PDE4D: variants seen among roughly 807,000 people sequenced by gnomAD.
The protein encoded by PDE4D is 3',5'-cyclic-AMP phosphodiesterase 4D.
PDE4D carries 24 observed loss-of-function variants against 87.4 expected under a neutral mutation model. That is an observed-to-expected ratio of 0.27 (90% CI 0.20 to 0.39). The LOEUF (loss-of-function observed/expected upper bound fraction) is 0.39, where lower values mean the gene tolerates loss of function less well. Ranked by LOEUF, PDE4D falls within the 10% of genes least tolerant of loss-of-function variation. The pLI is 1.00. For synonymous variants in PDE4D, 384 were observed against 383.2 expected, an observed-to-expected ratio of 1.00 and a Z score of -0.02; for missense variants, 714 against 1,041.0, an observed-to-expected ratio of 0.69 and a Z score of 4.32.
At chr5:59,255,703 ACTT>A (rs1432008080) in intron 1 of PDE4D, among the ~76,000 whole-genome samples, 2 of 152,108 alleles carry the variant, frequency 1.3e-5, no homozygotes, top group Non-Finnish European at 2.9e-5. Context: ...TGCAGATTAT[ACTT>A]CTTTTTGTTT....
intron 1 of PDE4D, among the ~76,000 whole-genome samples, chr5:59,731,176 T>C (rs1363844341): frequency 6.6e-6 from 1 of 151,796 alleles, no homozygotes; most frequent in Non-Finnish European, 1.5e-5. Context: ...GAAATTGTTC[T>C]TGCCAAAGAA....
In PDE4D at chr5:60,063,095, G is replaced by GAAGAAAGA. The variant is rs34450673; in HGVS notation, c.43-74386_43-74379dup. 7.6e-3 allele frequency among the ~76,000 whole-genome samples: 743 copies of GAAGAAAGA among 97,256 alleles called. 19 individuals carry two copies. The highest frequency in any genetic ancestry group is 0.012 in the East Asian group (37 of 3,112). 63.8% of individuals were successfully genotyped at this position (97,256 alleles called of 152,430 possible). On this transcript the variant is annotated intron_variant, in intron 2 of 16. Coordinates refer to the PDE4D transcript ENST00000502484. ...CTTAAAGAAGAAAGAAAGAAAGAAA[G>GAAGAAAGA]AAGAAAGAAAGAAAGAAAGAAAGAA...
intron 3 of PDE4D, among the ~76,000 whole-genome samples, chr5:59,188,225 C>G (rs887810069): frequency 6.6e-6 from 1 of 152,094 alleles, no homozygotes; most frequent in East Asian, 1.9e-4. Flanking sequence ...ACGTTTCTTC[C>G]ACAGAGCTCA....
intron 1 of PDE4D, among the ~76,000 whole-genome samples, chr5:60,206,658 A>G (rs1483815086): frequency 6.6e-6 from 1 of 152,242 alleles, no homozygotes. Flanking sequence ...TAAAACTAAT[A>G]TCAGATTGGA....
chr5:60,162,632 A>T (rs945323648), intron 2 of PDE4D, among the ~76,000 whole-genome samples: 1 of 152,092 alleles, frequency 6.6e-6, no homozygotes, highest in Admixed American at 6.6e-5. Flanking sequence ...TAACTGTGGC[A>T]ATTCCTGGAG....
intron 1 of PDE4D, among the ~76,000 whole-genome samples, chr5:59,557,900 T>C (rs1819240472): frequency 6.6e-6 from 1 of 152,174 alleles, no homozygotes; most frequent in Non-Finnish European, 1.5e-5. Context: ...CAGCAGTACC[T>C]GGATTCAGCT....
chr5:59,574,637 G>A (rs1822824813), intron 1 of PDE4D, among the ~76,000 whole-genome samples: 1 of 152,030 alleles, frequency 6.6e-6, no homozygotes, highest in African/African-American at 2.4e-5. Context: ...ACCCTCGAAT[G>A]CTTTATCAAA....
chr5:59,171,899 CATAT>C (rs979992971), intron 5 of PDE4D, among the ~76,000 whole-genome samples: 1 of 117,636 alleles, frequency 8.5e-6, no homozygotes, highest in African/African-American at 3.5e-5. Flanking sequence ...ATATAATAAG[CATAT>C]ATATGAGAAA....
chr5:59,358,253 G>A (rs1316949624), intron 1 of PDE4D, among the ~76,000 whole-genome samples: 1 of 152,180 alleles, frequency 6.6e-6, no homozygotes, highest in Non-Finnish European at 1.5e-5. Flanking sequence ...TCAGACATGA[G>A]CTCAAAGAAA....
chr5:59,764,414 G>A (rs192167247), intron 1 of PDE4D, among the ~76,000 whole-genome samples: 19 of 152,238 alleles, frequency 1.2e-4, no homozygotes, highest in African/African-American at 3.4e-4. Context: ...TGAAGCACAC[G>A]TTAAGTAACT....
Position 60,063,072 on chromosome 5 carries a change from TAAAGAAGAAAGAAAGAAAG to T in PDE4D, c.43-74374_43-74356del, listed in dbSNP as rs1387848851. On this transcript the variant is annotated intron_variant, in intron 2 of 16. Transcript: ENST00000502484. Reference sequence around the variant, plus strand: ...TGTTCTGTATATGTATCCCAAAACTTAAAGAAGAAAGAAAGAAAGAAAGAAGAAAGAAAGAAAGAAAGAA... The same window carrying T: ...TGTTCTGTATATGTATCCCAAAACTTAAAGAAGAAAGAAAGAAAGAAAGAA... 2.0e-3 allele frequency among the ~76,000 whole-genome samples: 190 copies of T among 96,826 alleles called. 1 individual carries two copies. The highest frequency in any genetic ancestry group is 7.4e-3 in the African/African-American group (183 of 24,606). 63.5% of individuals were successfully genotyped at this position (96,826 alleles called of 152,430 possible). A position where few individuals can be genotyped will look rare whatever the true frequency, so the allele number is the denominator to read the frequency against.
intron 2 of PDE4D, among the ~76,000 whole-genome samples, chr5:60,053,398 A>AC (rs1277985619): frequency 6.6e-6 from 1 of 152,026 alleles, no homozygotes; most frequent in Non-Finnish European, 1.5e-5. Flanking sequence ...ACATCTAAAA[A>AC]CATCTGATCT....
At chr5:59,101,006 A>G (rs574921574) in intron 5 of PDE4D, among the ~76,000 whole-genome samples, 1 of 152,174 alleles carries the variant, frequency 6.6e-6, no homozygotes, top group Non-Finnish European at 1.5e-5. Context: ...CACAGTGAAC[A>G]ATGGTCCTGT....
intron 5 of PDE4D, among the ~76,000 whole-genome samples, chr5:59,120,701 A>G (rs1175423234): frequency 6.6e-6 from 1 of 152,216 alleles, no homozygotes; most frequent in Admixed American, 6.5e-5. Flanking sequence ...GAACCAAAAA[A>G]AAAGCACAAC....
intron 2 of PDE4D, among the ~76,000 whole-genome samples, chr5:60,027,101 G>C (rs541128589): frequency 7.9e-5 from 12 of 152,078 alleles, no homozygotes; most frequent in African/African-American, 2.9e-4. Flanking sequence ...GATTCAGGAG[G>C]CACATGTGTA....
At chr5:60,355,762 C>A (rs1334514403) in intron 1 of PDE4D, among the ~76,000 whole-genome samples, 1 of 151,814 alleles carries the variant, frequency 6.6e-6, no homozygotes, top group Non-Finnish European at 1.5e-5. Context: ...TTAAGAAAAT[C>A]ATAAGGAAAA....
chr5:59,271,582 T>A (rs898473050), intron 1 of PDE4D, among the ~76,000 whole-genome samples: 1 of 152,102 alleles, frequency 6.6e-6, no homozygotes. Flanking sequence ...AAAATAAGAA[T>A]GCTAAGCCAG....
chr5:59,080,184 C>T (rs1207867113), intron 5 of PDE4D, among the ~76,000 whole-genome samples: 1 of 152,142 alleles, frequency 6.6e-6, no homozygotes, highest in African/African-American at 2.4e-5. Flanking sequence ...CCTGCATGAC[C>T]TCAGAATGTG....
chr5:60,177,828 G>C (rs578105297), intron 2 of PDE4D, among the ~76,000 whole-genome samples: 107 of 152,236 alleles, frequency 7.0e-4, no homozygotes, highest in Non-Finnish European at 1.3e-3. Context: ...TCATGTAACG[G>C]TAAGAATTTG....
Sources: gnomAD v4.1 joint callset for allele counts (sites outside exome capture counted in the v4.1 genomes callset) on GRCh38, gnomAD v4.1.1 for gene constraint, MANE v1.5 for transcripts, NCBI Gene and HGNC (gene_info 2026-07-23, HGNC 2026-07-21) for gene names.